The following ADAMTSL1 variants were observed in gnomAD, a reference collection of about 807,000 sequenced individuals.
ADAMTSL1 encodes the protein ADAMTS like 1, also known as ADAMTS-like protein 1.
A neutral mutation model predicts 201.8 loss-of-function variants in ADAMTSL1; 126 were observed. The ratio of observed to expected loss-of-function variants is 0.62; its 90% CI spans 0.54 to 0.72. The LOEUF (loss-of-function observed/expected upper bound fraction) is 0.72. ADAMTSL1 is among the 30% of genes least tolerant of loss of function. The pLI is 0.00. For missense variants in ADAMTSL1, 2,679 were observed against 2,277.8 expected, an observed-to-expected ratio of 1.18 and a Z score of -3.59; for synonymous variants, 1,121 against 903.4, an observed-to-expected ratio of 1.24 and a Z score of -4.32.
chr9:18,543,853 G>A (rs1010599836), intron 3 of ADAMTSL1, among the ~76,000 whole-genome samples: 1 of 151,908 alleles, frequency 6.6e-6, no homozygotes, highest in Non-Finnish European at 1.5e-5. Context: ...CTCTCCTCTC[G>A]GCCTTCTTCT....
chr9:18,071,530 C>T (rs1435168646), intron 1 of ADAMTSL1, among the ~76,000 whole-genome samples: 1 of 152,174 alleles, frequency 6.6e-6, no homozygotes, highest in Non-Finnish European at 1.5e-5. Context: ...TTGTAAATTA[C>T]TAGACTATAA....
chr9:18,757,404 G>C (rs982934819), intron 16 of ADAMTSL1, among the ~76,000 whole-genome samples: 1 of 152,046 alleles, frequency 6.6e-6, no homozygotes, highest in Non-Finnish European at 1.5e-5. Context: ...CACTGTGATT[G>C]AGAATCACTG....
intron 23 of ADAMTSL1, among the ~76,000 whole-genome samples, chr9:18,881,507 A>G (rs1324733120): frequency 6.6e-6 from 1 of 152,234 alleles, no homozygotes; most frequent in African/African-American, 2.4e-5. Context: ...ACATTTATCA[A>G]TTAAGTTCAT....
intron 2 of ADAMTSL1, among the ~76,000 whole-genome samples, chr9:18,299,307 C>T (rs1587500082): frequency 6.6e-6 from 1 of 152,128 alleles, no homozygotes; most frequent in East Asian, 1.9e-4. Flanking sequence ...CCTCCCCAAG[C>T]ATGTCTACAT....
chr9:18,752,197 A>G (rs543203478), intron 15 of ADAMTSL1, among the ~76,000 whole-genome samples: 73 of 152,210 alleles, frequency 4.8e-4, no homozygotes, highest in Non-Finnish European at 9.1e-4. Context: ...TATTACAGAT[A>G]TGGCTAAGCT....
chr9:18,654,454 C>T (rs1587812917), intron 7 of ADAMTSL1, among the ~76,000 whole-genome samples: 2 of 152,126 alleles, frequency 1.3e-5, no homozygotes, highest in Admixed American at 6.5e-5. Flanking sequence ...TTCATGCATT[C>T]GTTTATTCAG....
At chr9:18,547,631 TATAAA>T (rs1820548996) in intron 3 of ADAMTSL1, among the ~76,000 whole-genome samples, 1 of 83,286 alleles carries the variant, frequency 1.2e-5, no homozygotes, top group East Asian at 3.4e-4. Flanking sequence ...TGTATATATA[TATAAA>T]AAAAAAAAAA....
chr9:18,477,883 T>C (rs1207771510), intron 1 of ADAMTSL1, among the ~76,000 whole-genome samples: 6 of 152,100 alleles, frequency 3.9e-5, no homozygotes, highest in Non-Finnish European at 8.8e-5. Context: ...TTCATATAAG[T>C]TGAGGGAAGA....
chr9:18,529,521 T>G (rs1819305863), intron 2 of ADAMTSL1, among the ~76,000 whole-genome samples: 1 of 152,168 alleles, frequency 6.6e-6, no homozygotes, highest in Non-Finnish European at 1.5e-5. Flanking sequence ...TCTCATCTAT[T>G]AAATAGGAAT....
intron 1 of ADAMTSL1, among the ~76,000 whole-genome samples, chr9:18,083,588 G>T (rs760485120): frequency 1.3e-5 from 2 of 152,144 alleles, no homozygotes; most frequent in Non-Finnish European, 2.9e-5. Flanking sequence ...AAATCTCAGG[G>T]CACTTAAGAG....
At chr9:18,561,934 C>G (rs536920503) in intron 3 of ADAMTSL1, among the ~76,000 whole-genome samples, 1 of 152,078 alleles carries the variant, frequency 6.6e-6, no homozygotes, top group Non-Finnish European at 1.5e-5. Context: ...TGAGATGGGT[C>G]TCCTGAATAC....
intron 2 of ADAMTSL1, among the ~76,000 whole-genome samples, chr9:18,184,880 C>G (rs1329773484): frequency 3.3e-5 from 5 of 152,138 alleles, no homozygotes; most frequent in African/African-American, 1.2e-4. Context: ...TCATAAAAAT[C>G]ACTGTAACTA....
chr9:18,176,392 A>G (rs1354344130), intron 2 of ADAMTSL1, among the ~76,000 whole-genome samples: 1 of 152,206 alleles, frequency 6.6e-6, no homozygotes, highest in Admixed American at 6.5e-5. Flanking sequence ...CTATAGTGAT[A>G]ATAACTGTAT....
At chr9:18,442,784 T>C (rs1304121450) in intron 2 of ADAMTSL1, among the ~76,000 whole-genome samples, 1 of 152,218 alleles carries the variant, frequency 6.6e-6, no homozygotes, top group East Asian at 1.9e-4. Flanking sequence ...CTGTCATGCA[T>C]AGACTGGGTG....
chr9:17,929,934 A>G lies in ADAMTSL1; in HGVS notation c.87+23012A>G, dbSNP rs1334740115. Among the ~76,000 whole-genome samples the G allele has an allele frequency of 4.6e-5, 7 of 152,138 alleles. No individual in the cohort carries two copies. The South Asian group carries it at 8.3e-4, about 18-fold the overall frequency. ...GATGGACTCACTCTGCACTCTATATATGTCACATCTAGTTCAGTGCCTGGC... is the reference window on the plus strand; with the variant it reads ...GATGGACTCACTCTGCACTCTATATGTGTCACATCTAGTTCAGTGCCTGGC... On this transcript the variant is annotated intron_variant, in intron 1 of 29. Coordinates refer to the ADAMTSL1 transcript ENST00000680146.
At chr9:18,722,864 G>A (rs1381385467) in intron 15 of ADAMTSL1, among the ~76,000 whole-genome samples, 1 of 152,208 alleles carries the variant, frequency 6.6e-6, no homozygotes, top group Non-Finnish European at 1.5e-5. Context: ...GTCAGGTCCT[G>A]TACATGAAAT....
chr9:17,976,340 G>C (rs1468435968), intron 1 of ADAMTSL1, among the ~76,000 whole-genome samples: 1 of 151,830 alleles, frequency 6.6e-6, no homozygotes, highest in Non-Finnish European at 1.5e-5. Context: ...ACAGTATTAA[G>C]TCTTCCAATT....
intron 2 of ADAMTSL1, among the ~76,000 whole-genome samples, chr9:18,405,349 G>C (rs946425407): frequency 1.3e-5 from 2 of 152,172 alleles, no homozygotes; most frequent in African/African-American, 4.8e-5. Flanking sequence ...GTTGTCTCCA[G>C]ACCATGAGGT....
intron 22 of ADAMTSL1, among the ~76,000 whole-genome samples, chr9:18,828,660 T>TTTATATA (rs10685537): frequency 0.068 from 1,920 of 28,068 alleles, 85 homozygotes; most frequent in Non-Finnish European, 0.077. Context: ...GAAAGTATAT[T>TTTATATA]TATATATATA....
Sources: gnomAD v4.1 joint callset for allele counts (sites outside exome capture counted in the v4.1 genomes callset) on GRCh38, gnomAD v4.1.1 for gene constraint, MANE v1.5 for transcripts, NCBI Gene and HGNC (gene_info 2026-07-23, HGNC 2026-07-21) for gene names.